NOTCH4: variants seen among roughly 807,000 people sequenced by gnomAD.
NOTCH4 encodes notch receptor 4, also known as neurogenic locus notch homolog protein 4.
In NOTCH4, 138 loss-of-function variants were observed where a neutral mutation model predicts 189.0. That is an observed-to-expected ratio of 0.73 (90% CI 0.64 to 0.84). The LOEUF is 0.84. NOTCH4 is among the 40% of genes least tolerant of loss of function. The probability of loss-of-function intolerance (pLI) is 0.00; values close to 1 mark genes in which losing one functional copy is unlikely to be tolerated. For synonymous variants in NOTCH4, 942 were observed against 1,032.8 expected (o/e 0.91, Z 1.69); for missense variants, 2,286 against 2,605.4 (o/e 0.88, Z 2.67).
At chr6:32,216,789 G>C (rs918425339) in intron 11 of NOTCH4, 156 bp downstream of exon 11, 1 of 941,140 alleles carries the variant, frequency 1.1e-6, no homozygotes, top group Non-Finnish European at 1.7e-6. Context: ...CCCCATGGTT[G>C]TACAATTGTG....
intron 11 of NOTCH4, 123 bp downstream of exon 11, chr6:32,216,822 T>C (rs1308852175): frequency 1.6e-6 from 2 of 1,215,946 alleles, no homozygotes; most frequent in Admixed American, 3.4e-5. Context: ...TAAATAACTT[T>C]AAAGGATACC....
chr6:32,202,524 G>A lies in NOTCH4; in HGVS notation c.3307C>T (p.Leu1103=). The change falls in exon 21 of 30, where the codon CTG becomes TTG. Residue 1103 remains leucine (L), a synonymous_variant. Transcript: ENST00000375023. This position sits in a 1 kb window ranked among gnomAD's most constrained non-coding sequence, Gnocchi z 5.7. ...FHHCHHGGLC[L]PSPKPGFPPR... Reference sequence around the variant, plus strand: ...GGGAAGCCTGGCTTAGGGGAGGGCAGACACAGGCCTCCGTGGTGGCAGTGA... The same window carrying A: ...GGGAAGCCTGGCTTAGGGGAGGGCAAACACAGGCCTCCGTGGTGGCAGTGA... 3 of 1,610,976 alleles carry A rather than the reference G, an allele frequency of 1.9e-6. No individual in the cohort carries two copies. The highest frequency in any genetic ancestry group is 2.7e-5 in the African/African-American group (2 of 75,008).
Position 32,197,015 on chromosome 6 carries a change from G to A in NOTCH4, c.5110C>T (p.Pro1704Ser), listed in dbSNP as rs1462564742. The change falls in exon 28 of 30, where the codon CCC becomes TCC. Residue 1704 changes from proline to serine, a missense_variant. Physicochemically the swap from Pro to Ser is moderately conservative, Grantham distance 74. Transcript: ENST00000375023. ...GCCAGCCTGGCAGCCAGCATCAAGG[G>A]TGTGGTCCCGTCCTCTGTGCGAGCG... ...VDARTEDGTT[P>S]LMLAARLAVE... The A allele has an allele frequency of 1.2e-6, 2 of 1,612,808 alleles. No homozygotes were observed. The highest frequency in any genetic ancestry group is 1.7e-6 in the Non-Finnish European group (2 of 1,180,034).
rs535870641 is a variant in NOTCH4 at position 32,217,092 on chromosome 6, G to A, written c.1739-25C>T. ...CCTGTGGCACAGCAGGAAGGTCAGG[G>A]ACCTGCACGGATGTCTGCCTCCTGC... On this transcript the variant is annotated intron_variant, in intron 10 of 29. Transcript: ENST00000375023. The surrounding 1 kb of genome is among the most constrained non-coding windows in gnomAD (Gnocchi z 4.2). 48 of 1,613,056 alleles carry A rather than the reference G, an allele frequency of 3.0e-5. 1 individual carries two copies. The South Asian group carries it at 4.7e-4, about 16-fold the overall frequency.
Position 32,196,156 on chromosome 6 carries a change from C to CAGA in NOTCH4, c.5299-9_5299-7dup, listed in dbSNP as rs1414914438. 1 of 1,589,000 alleles carries CAGA rather than the reference C, an allele frequency of 6.3e-7. No homozygotes were observed. The highest frequency in any genetic ancestry group is 1.1e-5 in the South Asian group (1 of 89,702). On this transcript the variant is annotated splice_polypyrimidine_tract_variant and splice_region_variant and intron_variant, in intron 29 of 29. Transcript: ENST00000375023. Reference sequence around the variant, plus strand: ...AGGAATAGCGGCGTCTGCTCCTGTACAGAAGAGCCAGGGCCGATATCAGGG... The same window carrying CAGA: ...AGGAATAGCGGCGTCTGCTCCTGTACAGAAGAAGAGCCAGGGCCGATATCAGGG...
Position 32,220,889 on chromosome 6 carries a change from C to G in NOTCH4, c.800-11G>C, listed in dbSNP as rs1214420806. The G allele has an allele frequency of 6.2e-7, 1 of 1,611,922 alleles. No individual in the cohort carries two copies. Among genetic ancestry groups the G allele is most frequent in the East Asian group, 2.2e-5 (1 of 44,886 alleles). ...CTGGGCCTATGAAACCTGACAGGGT[C>G]ATGGATCAGCTGTGGGAGGAGGCTC... On this transcript the variant is annotated splice_polypyrimidine_tract_variant and intron_variant, in intron 4 of 29. Transcript: ENST00000375023.
At chr6:32,223,270 G>C (rs1789910718) in intron 1 of NOTCH4, among the ~76,000 whole-genome samples, 184 bp from the exon 2 acceptor site, 1 of 151,972 alleles carries the variant, frequency 6.6e-6, no homozygotes, top group African/African-American at 2.4e-5. Flanking sequence ...CTCCGTCCCA[G>C]TTACTAATCC....
rs117018893 is a variant in NOTCH4, at chr6:32,216,598, A to G, written c.1861+347T>C. 5.8e-4 allele frequency: 242 copies of G among 417,606 alleles called. 5 individuals are homozygous for G. In the East Asian group the frequency reaches 0.012, roughly 21 times the overall value. The allele number at this position is 417,606 out of a possible 1,614,324, so 25.9% of individuals were successfully genotyped here. On this transcript the variant is annotated intron_variant, in intron 11 of 29. Coordinates refer to ENST00000375023, the MANE Select transcript of NOTCH4 (RefSeq NM_004557.4). ...CTCTCTGTATTAGACTTAAAGTCAC[A>G]TGAAGATGGCAACTGTCTTACTCAG... is the stretch of plus-strand genomic sequence containing the variant.
rs1292660311 is a variant in NOTCH4, at chr6:32,221,861, A to C, written c.452-536T>G. On this transcript the variant is annotated intron_variant, in intron 3 of 29. Transcript: ENST00000375023. The surrounding 1 kb of genome is among the most constrained non-coding windows in gnomAD (Gnocchi z 4.3). The stretch of plus-strand genomic sequence containing the variant: ...CCCCTTCTGTCCTCTCAGCAACCTT[A>C]TGAAGTGTGACCATTACTCTCCCTG... Among the ~76,000 whole-genome samples, 1 of 152,126 alleles carries C rather than the reference A, an allele frequency of 6.6e-6. No individual in the cohort carries two copies. Among genetic ancestry groups the C allele is most frequent in the Admixed American group, 6.5e-5 (1 of 15,276 alleles).
intron 18 of NOTCH4, among the ~76,000 whole-genome samples, chr6:32,209,023 GA>G (rs1227886545): frequency 6.6e-6 from 1 of 152,050 alleles, no homozygotes; most frequent in Non-Finnish European, 1.5e-5. Flanking sequence ...CAAATGAATG[GA>G]AAAAAGAAAC....
intron 1 of NOTCH4, 81 bp downstream of exon 1, chr6:32,223,775 G>A: frequency 7.1e-7 from 1 of 1,407,816 alleles, no homozygotes; most frequent in East Asian, 2.4e-5. Flanking sequence ...CACGGCCTGG[G>A]GCTTGGCCCT....
Position 32,202,519 on chromosome 6 carries a change from G to GGGC in NOTCH4, c.3309_3311dup (p.Pro1104dup). ...GTGGTGGGAAGCCTGGCTTAGGGGAGGGCAGACACAGGCCTCCGTGGTGGC... is the reference window on the plus strand; with the variant it reads ...GTGGTGGGAAGCCTGGCTTAGGGGAGGGCGGCAGACACAGGCCTCCGTGGTGGC... On this transcript the variant is annotated inframe_insertion, in exon 21 of 30. Transcript: ENST00000375023. The surrounding 1 kb of genome is among the most constrained non-coding windows in gnomAD (Gnocchi z 5.7). The GGGC allele has an allele frequency of 6.2e-7, 1 of 1,611,846 alleles. No homozygotes were observed. Among genetic ancestry groups the GGGC allele is most frequent in the Non-Finnish European group, 8.5e-7 (1 of 1,179,082 alleles).
At position 32,203,988 on chromosome 6, in the gene NOTCH4, T is replaced by C. The variant is rs535749800; in HGVS notation, c.3119-106A>G. 4.0e-4 allele frequency: 523 copies of C among 1,298,932 alleles called. No individual in the cohort carries two copies. The African/African-American group carries it at 7.4e-3, about 18-fold the overall frequency. 80.5% of individuals were successfully genotyped at this position (1,298,932 alleles called of 1,614,324 possible). On this transcript the variant is annotated intron_variant, in intron 19 of 29. Coordinates refer to ENST00000375023, the MANE Select transcript of NOTCH4 (RefSeq NM_004557.4). ...AGTGCTAGATGTGCAGGTGAAGGGA[T>C]CCTGGGGCATCTTTTCTGGGCGGGG... is the stretch of plus-strand genomic sequence containing the variant.
In NOTCH4 at chr6:32,221,020, G is replaced by T; in HGVS notation, c.757C>A (p.Pro253Thr). The T allele has an allele frequency of 6.2e-7, 1 of 1,608,364 alleles. No homozygotes were observed. Among genetic ancestry groups the T allele is most frequent in the Middle Eastern group, 1.7e-4 (1 of 6,034 alleles). Reference protein sequence around the residue: ...CSNGGTCQLMPEKDSTFHLCL... With the variant: ...CSNGGTCQLMTEKDSTFHLCL... ...AGGTGAAAGGTGGAGTCTTTCTCTG[G>T]CATCAGCTGGCAGGTGCCCCCATTC... Residue 253 changes from proline (P) to threonine (T), a missense_variant, in exon 4 of 30, where the codon CCA becomes ACA. Physicochemically the swap from Pro to Thr is conservative, Grantham distance 38. Transcript: ENST00000375023. The surrounding 1 kb of genome is among the most constrained non-coding windows in gnomAD (Gnocchi z 4.3).
Position 32,198,566 on chromosome 6 carries a change from G to A in NOTCH4, c.4618-7C>T, listed in dbSNP as rs773669864. On this transcript the variant is annotated splice_polypyrimidine_tract_variant and splice_region_variant and intron_variant, in intron 25 of 29. Transcript: ENST00000375023. This position sits in a 1 kb window ranked among gnomAD's most constrained non-coding sequence, Gnocchi z 5.5. The stretch of plus-strand genomic sequence containing the variant: ...GTGGGCCTGTTTCTTCAGCCTTTGG[G>A]TAACAGCAAGGATCAGTGAAGGTTG... 6 of 1,612,634 alleles carry A rather than the reference G, an allele frequency of 3.7e-6. No homozygotes were observed. Among genetic ancestry groups the A allele is most frequent in the Non-Finnish European group, 5.1e-6 (6 of 1,179,812 alleles).
Position 32,217,323 on chromosome 6 carries a change from C to T in NOTCH4, c.1625-57G>A, listed in dbSNP as rs1582816913. 8.9e-6 allele frequency: 10 copies of T among 1,118,228 alleles called. No homozygotes were observed. The highest frequency in any genetic ancestry group is 1.3e-5 in the Non-Finnish European group (10 of 740,870). 69.3% of individuals were successfully genotyped at this position (1,118,228 alleles called of 1,614,324 possible). A position where few individuals can be genotyped will look rare whatever the true frequency, so the allele number is the denominator to read the frequency against. Reference sequence around the variant, plus strand: ...GCCAAGGTCATCGAGGGAGGCACAGCATGGCGCCTTCCCTTGCCAGGAAAG... The same window carrying T: ...GCCAAGGTCATCGAGGGAGGCACAGTATGGCGCCTTCCCTTGCCAGGAAAG... On this transcript the variant is annotated intron_variant, in intron 9 of 29. Coordinates refer to ENST00000375023, the MANE Select transcript of NOTCH4 (RefSeq NM_004557.4). This position sits in a 1 kb window ranked among gnomAD's most constrained non-coding sequence, Gnocchi z 4.2.
chr6:32,218,892 T>TA (rs1789578565), intron 8 of NOTCH4, among the ~76,000 whole-genome samples: 1 of 152,216 alleles, frequency 6.6e-6, no homozygotes, highest in Admixed American at 6.5e-5. Flanking sequence ...ACAAGTCACT[T>TA]AAACTCTCTG....
Position 32,219,664 on chromosome 6 carries a change from G to A in NOTCH4, c.1438C>T (p.Leu480Phe), listed in dbSNP as rs963209243. The A allele has an allele frequency of 5.0e-6, 8 of 1,613,172 alleles. No individual in the cohort carries two copies. The highest frequency in any genetic ancestry group is 5.1e-6 in the Non-Finnish European group (6 of 1,180,010). ...SRCEADHNEC[L>F]SQPCHPGSTC... ...CTTCCTGGGTGGCAGGGCTGGGAGA[G>A]GCACTCATTGTGATCAGCCTCACAA... Residue 480 changes from leucine (L) to phenylalanine (F), a missense_variant, in exon 8 of 30, where the codon CTC becomes TTC. By Grantham distance (22) the Leu-to-Phe change is conservative. Transcript: ENST00000375023.
chr6:32,217,162 A>G lies in NOTCH4; in HGVS notation c.1729T>C (p.Cys577Arg). Residue 577 changes from cysteine (C) to arginine (R), a missense_variant, in exon 10 of 30, where the codon TGT becomes CGT. This residue lies in a region of NOTCH4 where 1,903 missense variants were observed against 2,261.9 expected (regional missense o/e 0.84). Transcript: ENST00000375023. The surrounding 1 kb of genome is among the most constrained non-coding windows in gnomAD (Gnocchi z 4.2). ...GTGTGCCCCAGTTTACCTGGGAGAC[A>G]CTTGCAGTGGAAGGCTCCAGGCTGG... ...QDQPGAFHCK[C>R]LPGFEGPRCQ... 6.2e-7 allele frequency: 1 copy of G among 1,613,004 alleles called. No homozygotes were observed. The highest frequency in any genetic ancestry group is 8.5e-7 in the Non-Finnish European group (1 of 1,179,954).
Sources: allele counts gnomAD v4.1 joint callset (sites outside exome capture counted in the v4.1 genomes callset), GRCh38; gene constraint gnomAD v4.1.1; regional missense constraint gnomAD v4.1.1; non-coding constraint Gnocchi (gnomAD v3.1); transcripts MANE v1.5; gene names NCBI Gene and HGNC (gene_info 2026-07-23, HGNC 2026-07-21).